KTN1: variants seen among roughly 807,000 people sequenced by gnomAD.
KTN1 encodes kinectin.
In KTN1, 130 loss-of-function variants were observed where a neutral mutation model predicts 222.5. That is an observed-to-expected ratio of 0.58 (90% CI 0.51 to 0.68). KTN1 has a LOEUF of 0.68. Among genes scored for constraint, KTN1 ranks in the 30% least tolerant of loss-of-function variants. The probability of loss-of-function intolerance (pLI) is 0.00; values close to 1 mark genes in which losing one functional copy is unlikely to be tolerated. For synonymous variants in KTN1, 512 were observed against 496.3 expected, an observed-to-expected ratio of 1.03 and a Z score of -0.42; for missense variants, 1,508 against 1,500.4, an observed-to-expected ratio of 1.01 and a Z score of -0.08.
At chr14:55,660,976 T>G (rs547741966) in intron 31 of KTN1, among the ~76,000 whole-genome samples, 2 of 152,152 alleles carry the variant, frequency 1.3e-5, no homozygotes, top group South Asian at 4.1e-4. Context: ...AGAATCAAAT[T>G]ATGAATCTTT....
chr14:55,631,341 GATATAT>G (rs56190231), intron 7 of KTN1, among the ~76,000 whole-genome samples: 1,368 of 114,700 alleles, frequency 0.012, 49 homozygotes, highest in African/African-American at 0.046. Context: ...TGATAAGGTT[GATATAT>G]ATATATATAT....
intron 1 of KTN1, among the ~76,000 whole-genome samples, chr14:55,598,513 A>AC (rs1306945420): frequency 6.6e-6 from 1 of 152,076 alleles, no homozygotes; most frequent in African/African-American, 2.4e-5. Flanking sequence ...ATTAAAAAAA[A>AC]AAATTACATT....
chr14:55,678,679 G>GTAC (rs1271754457), intron 42 of KTN1: 1 of 430,052 alleles, frequency 2.3e-6, no homozygotes, highest in Non-Finnish European at 4.3e-6. Flanking sequence ...CTGTGGACAG[G>GTAC]TACCAGTCAA....
rs777914272 is a variant in KTN1, at chr14:55,637,885, G to C, written c.1785+38G>C. The C allele has an allele frequency of 1.6e-5, 24 of 1,520,192 alleles. 1 individual carries two copies. In the South Asian group the frequency reaches 2.6e-4, roughly 17 times the overall value. 94.2% of individuals were successfully genotyped at this position (1,520,192 alleles called of 1,614,324 possible). A position where few individuals can be genotyped will look rare whatever the true frequency, so the allele number is the denominator to read the frequency against. ...TCTTATTGCTTATGATTAATAACTT[G>C]CAGCCATTTAAACACTCACCTGAAT... is the stretch of plus-strand genomic sequence containing the variant. On this transcript the variant is annotated intron_variant, in intron 12 of 43. Transcript: ENST00000395314.
At chr14:55,651,866 A>G (rs2042960064) in intron 24 of KTN1, 24 bp from the exon 25 acceptor site, 1 of 1,488,522 alleles carries the variant, frequency 6.7e-7, no homozygotes, top group East Asian at 2.3e-5. Flanking sequence ...TTATTAATTG[A>G]TTTTTCTGTC....
intron 1 of KTN1, among the ~76,000 whole-genome samples, chr14:55,597,252 C>T (rs559357734): frequency 6.6e-6 from 1 of 152,250 alleles, no homozygotes; most frequent in East Asian, 1.9e-4. Context: ...ATAAGCTAAA[C>T]TTTGTGTAAT....
chr14:55,637,744 A>G (rs768612676), intron 11 of KTN1, 35 bp from the exon 12 acceptor site: 10 of 1,488,372 alleles, frequency 6.7e-6, no homozygotes, highest in Non-Finnish European at 9.3e-6. Context: ...ATTTATTAGC[A>G]TGCTTTTTCT....
intron 34 of KTN1, among the ~76,000 whole-genome samples, chr14:55,670,072 T>C (rs1312839239): frequency 1.3e-5 from 2 of 152,084 alleles, no homozygotes; most frequent in African/African-American, 2.4e-5. Context: ...ATGCCAAAAC[T>C]GTAATACATG....
Position 55,637,356 on chromosome 14 carries a change from C to G in KTN1, c.1708C>G (p.Gln570Glu). Residue 570 changes from glutamine to glutamate, a missense_variant, in exon 11 of 44, where the codon CAG (glutamine) becomes GAG (glutamate). By Grantham distance (29) the Gln-to-Glu change is conservative. Transcript: ENST00000395314. The part of the protein sequence containing the change: ...RVNKEESLQM[Q>E]VQDILEQNEA... The stretch of plus-strand genomic sequence containing the variant: ...GAACAAAGAAGAGTCTCTACAAATG[C>G]AGGTTCAGGTATTTTTTCTTCTTTT... 2 of 1,543,384 alleles carry G rather than the reference C, an allele frequency of 1.3e-6. No individual in the cohort carries two copies. The highest frequency in any genetic ancestry group is 1.7e-6 in the Non-Finnish European group (2 of 1,147,736).
intron 2 of KTN1, among the ~76,000 whole-genome samples, chr14:55,614,411 G>A (rs17128629): frequency 0.02 from 3,094 of 152,192 alleles, 111 homozygotes; most frequent in African/African-American, 0.071. Flanking sequence ...AGAATGACAC[G>A]AATAACCTCA....
intron 1 of KTN1, among the ~76,000 whole-genome samples, chr14:55,600,393 C>G (rs913441139): frequency 1.2e-4 from 18 of 152,002 alleles, no homozygotes; most frequent in Admixed American, 3.9e-4. Flanking sequence ...TAAGACTACC[C>G]TGTGGTAGTG....
chr14:55,648,247 A>G (rs2042594172), intron 20 of KTN1, 132 bp downstream of exon 20: 2 of 435,080 alleles, frequency 4.6e-6, no homozygotes, highest in Non-Finnish European at 4.1e-6. Context: ...AATTTATATA[A>G]TGCTTTTTTA....
chr14:55,602,600 G>C (rs1238143321), intron 1 of KTN1, among the ~76,000 whole-genome samples: 1 of 127,822 alleles, frequency 7.8e-6, no homozygotes, highest in African/African-American at 3.0e-5. Flanking sequence ...TTTTTTTTTT[G>C]AGAGAGGGTC....
At chr14:55,675,732 AAT>A in intron 40 of KTN1, 101 bp from the exon 41 acceptor site, 1 of 733,586 alleles carries the variant, frequency 1.4e-6, no homozygotes, top group Non-Finnish European at 2.3e-6. Context: ...CACTGTACAT[AAT>A]AACTGTTAGC....
intron 1 of KTN1, among the ~76,000 whole-genome samples, 178 bp downstream of exon 1, chr14:55,580,532 G>A (rs1235261260): frequency 1.3e-5 from 2 of 149,830 alleles, no homozygotes; most frequent in Admixed American, 1.3e-4. Context: ...CCGCCGCGGG[G>A]CTCTTGTTGG....
At chr14:55,589,389 C>G (rs2033665208) in intron 1 of KTN1, among the ~76,000 whole-genome samples, 1 of 151,994 alleles carries the variant, frequency 6.6e-6, no homozygotes, top group African/African-American at 2.4e-5. Context: ...ACCTCTGACT[C>G]ACTGCAACCT....
chr14:55,682,424 C>T lies in KTN1; in HGVS notation c.4070-1675C>T, dbSNP rs2046454966. The T allele has an allele frequency of 2.0e-5, 3 of 152,086 alleles. No individual in the cohort carries two copies. In the South Asian group the frequency reaches 6.2e-4, roughly 31 times the overall value. 9.4% of individuals were successfully genotyped at this position (152,086 alleles called of 1,614,324 possible). A position where few individuals can be genotyped will look rare whatever the true frequency, so the allele number is the denominator to read the frequency against. The stretch of plus-strand genomic sequence containing the variant: ...CCAGATATCTACTCTTTATGTTTCA[C>T]ATTTGCCTGGTTTCTAAGTTTTCTA... On this transcript the variant is annotated intron_variant, in intron 43 of 43. Transcript: ENST00000395314.
intron 1 of KTN1, among the ~76,000 whole-genome samples, chr14:55,598,434 CAAA>C (rs555607541): frequency 1.4e-4 from 8 of 57,780 alleles, no homozygotes; most frequent in Admixed American, 2.0e-4. Context: ...GACTCCATCT[CAAA>C]AAAAAAAAAA....
intron 32 of KTN1, chr14:55,663,335 G>A (rs1238017629): frequency 2.8e-5 from 5 of 181,018 alleles, no homozygotes; most frequent in Non-Finnish European, 5.9e-5. Flanking sequence ...GCCTCCAAGA[G>A]AATCTATTTT....
Sources: allele counts gnomAD v4.1 joint callset (sites outside exome capture counted in the v4.1 genomes callset), GRCh38; gene constraint gnomAD v4.1.1; transcripts MANE v1.5; gene names NCBI Gene and HGNC (gene_info 2026-07-23, HGNC 2026-07-21).